The following LARP1B variants were observed in gnomAD, a reference collection of about 807,000 sequenced individuals.
The protein encoded by LARP1B is La ribonucleoprotein 1B, also known as la-related protein 1B.
LARP1B carries 76 observed loss-of-function variants against 114.2 expected under a neutral mutation model. The observed-to-expected ratio is 0.67, with a 90% confidence interval of 0.55 to 0.81. The LOEUF is 0.81. LARP1B is among the 30% of genes least tolerant of loss of function. The pLI is 0.00. For synonymous variants in LARP1B, 345 were observed against 348.0 expected, an observed-to-expected ratio of 0.99 and a Z score of 0.10; for missense variants, 1,014 against 1,075.8, an observed-to-expected ratio of 0.94 and a Z score of 0.80.
At chr4:128,164,350 T>C (rs978918319) in intron 12 of LARP1B, among the ~76,000 whole-genome samples, 8 of 152,138 alleles carry the variant, frequency 5.3e-5, no homozygotes, top group Non-Finnish European at 1.2e-4. Flanking sequence ...TTTTGCCTTG[T>C]TAAATTTGAA....
rs566369624 is a variant in LARP1B, at chr4:128,109,283, A to G, written c.988+1970A>G. On this transcript the variant is annotated intron_variant, in intron 9 of 19. Transcript: ENST00000326639. ...TATGTATCTATGAGTAGAGAAAAGTAGTGAAACTGTATATCATTTTAATCT... is the reference window on the plus strand; with the variant it reads ...TATGTATCTATGAGTAGAGAAAAGTGGTGAAACTGTATATCATTTTAATCT... 5.3e-5 allele frequency among the ~76,000 whole-genome samples: 8 copies of G among 152,346 alleles called. No individual in the cohort carries two copies. In the South Asian group the frequency reaches 1.7e-3, roughly 32 times the overall value.
At chr4:128,101,070 G>A (rs111786210) in intron 8 of LARP1B, among the ~76,000 whole-genome samples, 18 of 150,214 alleles carry the variant, frequency 1.2e-4, no homozygotes, top group Admixed American at 1.3e-4. Flanking sequence ...CACCTGCCTC[G>A]GCCTCCCAAA....
chr4:128,140,487 A>G (rs1162683601), intron 11 of LARP1B, among the ~76,000 whole-genome samples: 1 of 152,196 alleles, frequency 6.6e-6, no homozygotes, highest in Non-Finnish European at 1.5e-5. Context: ...AGGTACACTT[A>G]ACGTATATAG....
chr4:128,114,942 A>T (rs1164097970), intron 10 of LARP1B, among the ~76,000 whole-genome samples, 200 bp downstream of exon 10: 1 of 149,834 alleles, frequency 6.7e-6, no homozygotes, highest in Non-Finnish European at 1.5e-5. Context: ...AATGTTATTT[A>T]TTTTTTTTTT....
At chr4:128,102,207 G>A (rs995429239) in intron 8 of LARP1B, among the ~76,000 whole-genome samples, 2 of 152,166 alleles carry the variant, frequency 1.3e-5, no homozygotes, top group Non-Finnish European at 1.5e-5. Flanking sequence ...TTCTTTTTCT[G>A]TTGAGAAAGT....
At chr4:128,185,925 G>A (rs542257811) in intron 15 of LARP1B, among the ~76,000 whole-genome samples, 12 of 152,134 alleles carry the variant, frequency 7.9e-5, no homozygotes, top group African/African-American at 2.6e-4. Context: ...CCCACTTATC[G>A]AAGTGACTGT....
At chr4:128,061,541 C>T (rs1229003834) in intron 1 of LARP1B, 140 bp downstream of exon 1, 2 of 336,690 alleles carry the variant, frequency 5.9e-6, no homozygotes, top group Non-Finnish European at 8.4e-6. Context: ...CGCTGCGCGG[C>T]CTCGGCGGGC....
At chr4:128,085,301 G>C (rs1477852026) in intron 5 of LARP1B, among the ~76,000 whole-genome samples, 1 of 149,050 alleles carries the variant, frequency 6.7e-6, no homozygotes, top group African/African-American at 2.5e-5. Context: ...GAGAGGCTTT[G>C]AGACTGTGGA....
intron 15 of LARP1B, among the ~76,000 whole-genome samples, chr4:128,180,514 GTTC>G (rs1386877592): frequency 1.3e-5 from 2 of 152,146 alleles, no homozygotes; most frequent in Admixed American, 6.5e-5. Flanking sequence ...AAGTGTGTAT[GTTC>G]TTCTGCACAC....
rs867516828 is a variant in LARP1B, at chr4:128,165,486, T to C, written c.1648+3169T>C. Reference sequence around the variant, plus strand: ...AAAAAAATTCACTCTATGCTAGTTATATGTCATAACATATGGAAAGATTGG... The same window carrying C: ...AAAAAAATTCACTCTATGCTAGTTACATGTCATAACATATGGAAAGATTGG... On this transcript the variant is annotated intron_variant, in intron 12 of 19. Transcript: ENST00000326639. Among the ~76,000 whole-genome samples, 5 of 152,124 alleles carry C rather than the reference T, an allele frequency of 3.3e-5. No individual in the cohort carries two copies. In the South Asian group the frequency reaches 6.2e-4, roughly 19 times the overall value.
At chr4:128,061,563 CGGCCA>C in intron 1 of LARP1B, 162 bp downstream of exon 1, 1 of 533,480 alleles carries the variant, frequency 1.9e-6, no homozygotes, top group Non-Finnish European at 2.4e-6. Context: ...GCGGCAGCGG[CGGCCA>C]CGGCCGCCGG....
intron 10 of LARP1B, among the ~76,000 whole-genome samples, chr4:128,118,287 AGTGGCGCGATCTC>A (rs1786680390): frequency 7.1e-6 from 1 of 140,806 alleles, no homozygotes; most frequent in African/African-American, 2.7e-5. Context: ...GCTGGAGTGC[AGTGGCGCGATCTC>A]GGCTCCCTGC....
At chr4:128,108,741 G>A (rs1782945602) in intron 9 of LARP1B, 1 of 985,082 alleles carries the variant, frequency 1.0e-6, no homozygotes, top group African/African-American at 1.7e-5. Flanking sequence ...CAAGATGATA[G>A]TTTTAGCTAG....
At chr4:128,087,640 T>A (rs532194758) in intron 5 of LARP1B, among the ~76,000 whole-genome samples, 1 of 152,272 alleles carries the variant, frequency 6.6e-6, no homozygotes, top group South Asian at 2.1e-4. Flanking sequence ...TCTAAGAAAA[T>A]CACACTAGTT....
chr4:128,117,842 T>C (rs558913121), intron 10 of LARP1B, among the ~76,000 whole-genome samples: 24 of 152,130 alleles, frequency 1.6e-4, no homozygotes, highest in African/African-American at 5.5e-4. Flanking sequence ...TTTAAGATCA[T>C]TTCTTCATCC....
chr4:128,060,977 C>A (rs984381858), upstream of LARP1B, among the ~76,000 whole-genome samples: 1 of 152,100 alleles, frequency 6.6e-6, no homozygotes, highest in African/African-American at 2.4e-5. Context: ...GTGCGCGGCC[C>A]GCCCAGGCCC....
Position 128,090,413 on chromosome 4 carries a change from A to G in LARP1B, c.359-588A>G, listed in dbSNP as rs867083989. 1.1e-4 allele frequency among the ~76,000 whole-genome samples: 16 copies of G among 151,938 alleles called. No homozygotes were observed. The South Asian group carries it at 2.1e-3, about 20-fold the overall frequency. ...CCCATTGGTAGGCACCGTTTTCTGT[A>G]TTTATTGTCCACTTGCATTTTTTTA... is the stretch of plus-strand genomic sequence containing the variant. On this transcript the variant is annotated intron_variant, in intron 5 of 19. Coordinates refer to ENST00000326639, the MANE Select transcript of LARP1B (RefSeq NM_018078.4).
Position 128,210,548 on chromosome 4 carries a change from A to G in LARP1B, c.*495A>G. On this transcript the variant is annotated 3_prime_UTR_variant, in exon 20 of 20. Coordinates refer to ENST00000326639, the MANE Select transcript of LARP1B (RefSeq NM_018078.4). Reference sequence around the variant, plus strand: ...TTACCAAAACAAAGGAGGATTACGTATATGTTTTTTAAATTCAAAAAAGAA... The same window carrying G: ...TTACCAAAACAAAGGAGGATTACGTGTATGTTTTTTAAATTCAAAAAAGAA... 3 of 962,070 alleles carry G rather than the reference A, an allele frequency of 3.1e-6. No individual in the cohort carries two copies. The highest frequency in any genetic ancestry group is 3.7e-6 in the Non-Finnish European group (3 of 808,258). The allele number at this position is 962,070 out of a possible 1,614,324, so 59.6% of individuals were successfully genotyped here. A position where few individuals can be genotyped will look rare whatever the true frequency, so the allele number is the denominator to read the frequency against.
At chr4:128,141,103 C>T (rs1042753197) in intron 11 of LARP1B, among the ~76,000 whole-genome samples, 6 of 152,082 alleles carry the variant, frequency 3.9e-5, no homozygotes, top group Non-Finnish European at 5.9e-5. Flanking sequence ...CATGAGCCAC[C>T]GCACCTGGCC....
Sources: allele counts gnomAD v4.1 joint callset (sites outside exome capture counted in the v4.1 genomes callset), GRCh38; gene constraint gnomAD v4.1.1; transcripts MANE v1.5; gene names NCBI Gene and HGNC (gene_info 2026-07-23, HGNC 2026-07-21).